The following ANKRD30BL variants were observed in gnomAD, a reference collection of about 807,000 sequenced individuals.
The protein encoded by ANKRD30BL is putative ankyrin repeat domain-containing protein 30B-like.
A neutral mutation model predicts 18.4 loss-of-function variants in ANKRD30BL; 20 were observed. The observed-to-expected ratio is 1.09, with a 90% confidence interval of 0.77 to 1.58. ANKRD30BL has a LOEUF of 1.58. ANKRD30BL is among the 40% of genes most tolerant of loss of function. ANKRD30BL has a pLI of 0.00. For missense variants in ANKRD30BL, 224 were observed against 268.6 expected (o/e 0.83, Z 1.16); for synonymous variants, 72 against 100.9 (o/e 0.71, Z 1.72).
intron 1 of ANKRD30BL, among the ~76,000 whole-genome samples, chr2:132,222,103 C>T (rs1430141594): frequency 6.8e-6 from 1 of 148,030 alleles, no homozygotes; most frequent in Non-Finnish European, 1.5e-5. Flanking sequence ...CAGCCCCCCA[C>T]CCGGCCAGCC....
Position 132,234,532 on chromosome 2 carries a change from A to T in ANKRD30BL, n.441+22997T>A, listed in dbSNP as rs184096956. On this transcript the variant is annotated intron_variant and non_coding_transcript_variant, in intron 1 of 4. Coordinates refer to the ANKRD30BL transcript ENST00000470729. ...CACCACCGATCTCACAGAAATACAA[A>T]CTACCATCAGAGAATACTACAAACA... is the stretch of plus-strand genomic sequence containing the variant. Among the ~76,000 whole-genome samples the T allele has an allele frequency of 2.9e-3, 447 of 152,312 alleles. 2 individuals carry two copies. The highest frequency in any genetic ancestry group is 4.8e-3 in the Non-Finnish European group (328 of 68,030).
At chr2:132,207,927 T>A (rs1344042614) in intron 1 of ANKRD30BL, among the ~76,000 whole-genome samples, 1 of 152,226 alleles carries the variant, frequency 6.6e-6, no homozygotes, top group African/African-American at 2.4e-5. Context: ...GGGGTCACCC[T>A]TATTCATGAT....
At chr2:132,170,778 T>C (rs1688263875) in intron 1 of ANKRD30BL, among the ~76,000 whole-genome samples, 1 of 152,226 alleles carries the variant, frequency 6.6e-6, no homozygotes, top group South Asian at 2.1e-4. Context: ...AGACTTCACC[T>C]ATGTGTTTAA....
intron 1 of ANKRD30BL, among the ~76,000 whole-genome samples, chr2:132,235,097 T>G (rs1332191548): frequency 6.6e-6 from 1 of 152,134 alleles, no homozygotes; most frequent in African/African-American, 2.4e-5. Flanking sequence ...CACATGATTA[T>G]CTCAATAGAT....
chr2:132,245,822 C>T (rs1046953736), intron 1 of ANKRD30BL, among the ~76,000 whole-genome samples: 6 of 151,792 alleles, frequency 4.0e-5, no homozygotes, highest in African/African-American at 1.5e-4. Flanking sequence ...TTCTCAGAAA[C>T]TTCTTTGTGA....
At chr2:132,224,084 CA>C (rs1679774462) in intron 1 of ANKRD30BL, among the ~76,000 whole-genome samples, 1 of 152,042 alleles carries the variant, frequency 6.6e-6, no homozygotes. Context: ...TTAGAATCGG[CA>C]AGAGGATATT....
chr2:132,195,622 C>T (rs1293183179), intron 1 of ANKRD30BL, among the ~76,000 whole-genome samples: 2 of 151,398 alleles, frequency 1.3e-5, no homozygotes, highest in Non-Finnish European at 2.9e-5. Context: ...GAAACCCCAT[C>T]TCTACTAAAA....
chr2:132,187,603 G>A (rs983650655), intron 1 of ANKRD30BL, among the ~76,000 whole-genome samples: 3 of 151,790 alleles, frequency 2.0e-5, no homozygotes, highest in East Asian at 2.0e-4. Context: ...TGTGAGCCAC[G>A]CCCCACTCTG....
intron 1 of ANKRD30BL, among the ~76,000 whole-genome samples, chr2:132,203,333 T>C (rs1431958392): frequency 6.6e-6 from 1 of 152,194 alleles, no homozygotes; most frequent in Non-Finnish European, 1.5e-5. Flanking sequence ...TCTAAGATTA[T>C]TAGGAAGTTA....
At chr2:132,153,060 A>T (rs1325858861) in intron 4 of ANKRD30BL, among the ~76,000 whole-genome samples, 3 of 152,250 alleles carry the variant, frequency 2.0e-5, no homozygotes, top group Admixed American at 2.0e-4. Context: ...CACAAAGGCC[A>T]ATCATTACCA....
At chr2:132,222,844 A>C (rs1304917742) in intron 1 of ANKRD30BL, among the ~76,000 whole-genome samples, 1 of 119,480 alleles carries the variant, frequency 8.4e-6, no homozygotes, top group African/African-American at 6.0e-5. Flanking sequence ...AAAAAAAAAA[A>C]AAAAAAAAAA....
chr2:132,236,540 G>C (rs1478475333), intron 1 of ANKRD30BL, among the ~76,000 whole-genome samples: 1 of 152,032 alleles, frequency 6.6e-6, no homozygotes, highest in Non-Finnish European at 1.5e-5. Flanking sequence ...ATCATCACTG[G>C]CCATCAGAGA....
At chr2:132,205,076 A>C (rs1005094297) in intron 1 of ANKRD30BL, among the ~76,000 whole-genome samples, 1 of 152,208 alleles carries the variant, frequency 6.6e-6, no homozygotes, top group Non-Finnish European at 1.5e-5. Flanking sequence ...ACAACTCGCA[A>C]AACACACAAA....
At chr2:132,189,355 T>C (rs1269079517) in intron 1 of ANKRD30BL, among the ~76,000 whole-genome samples, 1 of 152,238 alleles carries the variant, frequency 6.6e-6, no homozygotes, top group Non-Finnish European at 1.5e-5. Flanking sequence ...TTGCCTTATA[T>C]CTTTTGACTA....
At chr2:132,244,923 A>G (rs1279534387) in intron 1 of ANKRD30BL, among the ~76,000 whole-genome samples, 2 of 88 alleles carry the variant, frequency 0.023, no homozygotes, top group Non-Finnish European at 0.053. Context: ...GTGAAAAAGG[A>G]AATATCTTCC....
At chr2:132,225,948 T>C (rs938549400) in intron 1 of ANKRD30BL, among the ~76,000 whole-genome samples, 5 of 152,144 alleles carry the variant, frequency 3.3e-5, no homozygotes, top group African/African-American at 9.7e-5. Context: ...AACACTCTTT[T>C]TGCAGAATCT....
chr2:132,195,492 A>G (rs1186081938), intron 1 of ANKRD30BL, among the ~76,000 whole-genome samples: 1 of 151,818 alleles, frequency 6.6e-6, no homozygotes, highest in Non-Finnish European at 1.5e-5. Flanking sequence ...CTGGCTTTTT[A>G]AGAAGAAAAC....
chr2:132,231,758 G>A (rs1320382510), intron 1 of ANKRD30BL, among the ~76,000 whole-genome samples: 3 of 152,190 alleles, frequency 2.0e-5, no homozygotes. Context: ...AGCGAGGCTG[G>A]GGGAGGGGCA....
At chr2:132,230,553 T>C (rs1353032312) in intron 1 of ANKRD30BL, among the ~76,000 whole-genome samples, 1 of 151,968 alleles carries the variant, frequency 6.6e-6, no homozygotes, top group Non-Finnish European at 1.5e-5. Context: ...TGAACATAGC[T>C]TTTCATGGAG....
Sources: allele counts gnomAD v4.1 joint callset (sites outside exome capture counted in the v4.1 genomes callset), GRCh38; gene constraint gnomAD v4.1.1; transcripts MANE v1.5; gene names NCBI Gene and HGNC (gene_info 2026-07-23, HGNC 2026-07-21).